The following TFAP2A variants were observed in gnomAD, a reference collection of about 807,000 sequenced individuals.
TFAP2A encodes transcription factor AP-2 alpha.
In TFAP2A, 7 loss-of-function variants were observed where a neutral mutation model predicts 41.5. That is an observed-to-expected ratio of 0.17 (90% CI 0.10 to 0.32). The LOEUF (loss-of-function observed/expected upper bound fraction) is 0.32, where lower values mean the gene tolerates loss of function less well. Among genes scored for constraint, TFAP2A ranks in the 10% least tolerant of loss-of-function variants. The pLI is 1.00. For synonymous variants in TFAP2A, 247 were observed against 242.8 expected (o/e 1.02, Z -0.16); for missense variants, 416 against 563.3 (o/e 0.74, Z 2.65).
chr6:10,404,418 G>T (rs773777299), intron 4 of TFAP2A, 90 bp downstream of exon 4: 3 of 937,604 alleles, frequency 3.2e-6, no homozygotes, highest in Non-Finnish European at 4.3e-6. Flanking sequence ...GCGGCGCGAG[G>T]CCTGTTTGCG....
intron 1 of TFAP2A, chr6:10,412,753 G>T (rs1473805851): frequency 8.1e-6 from 2 of 247,008 alleles, no homozygotes; most frequent in South Asian, 3.3e-5. Context: ...CTCGGGACTC[G>T]GCTGCCCGCT....
At chr6:10,400,062 G>A (rs1365204381) in intron 6 of TFAP2A, among the ~76,000 whole-genome samples, 1 of 152,112 alleles carries the variant, frequency 6.6e-6, no homozygotes, top group African/African-American at 2.4e-5. Flanking sequence ...CTTTGCCCTT[G>A]GAGAACATAT....
chr6:10,404,440 G>C (rs1020340387), intron 4 of TFAP2A, 68 bp downstream of exon 4: 21 of 1,168,784 alleles, frequency 1.8e-5, no homozygotes, highest in Non-Finnish European at 2.2e-5. Context: ...CGCCGCCACC[G>C]CCCCGGCGCA....
intron 3 of TFAP2A, chr6:10,406,173 CACAAT>C (rs906263728): frequency 6.5e-6 from 1 of 153,128 alleles, no homozygotes; most frequent in Non-Finnish European, 1.5e-5. Context: ...ACTCACTAAA[CACAAT>C]ACAGATTACA....
At chr6:10,414,722 C>T in intron 1 of TFAP2A, 1 of 685,870 alleles carries the variant, frequency 1.5e-6, no homozygotes, top group Non-Finnish European at 2.5e-6. Flanking sequence ...AAGTGGGACA[C>T]GAGCTTCAAA....
At chr6:10,411,826 T>A in intron 1 of TFAP2A, 1 of 1,427,480 alleles carries the variant, frequency 7.0e-7, no homozygotes, top group Non-Finnish European at 9.2e-7. Context: ...GAACCCACGG[T>A]CTCTATCCTG....
chr6:10,402,733 A>C, intron 4 of TFAP2A, 123 bp from the exon 5 acceptor site: 1 of 783,944 alleles, frequency 1.3e-6, no homozygotes, highest in South Asian at 1.4e-5. Flanking sequence ...TGGCCCCAAG[A>C]CATTTAAAGG....
intron 4 of TFAP2A, among the ~76,000 whole-genome samples, chr6:10,403,861 C>T (rs917491764): frequency 6.6e-6 from 1 of 152,196 alleles, no homozygotes; most frequent in Non-Finnish European, 1.5e-5. Context: ...CGTAAACATG[C>T]TCGCACGCAG....
At chr6:10,409,745 C>G in intron 2 of TFAP2A, 156 bp downstream of exon 2, 4 of 927,826 alleles carry the variant, frequency 4.3e-6, no homozygotes, top group Non-Finnish European at 6.5e-6. Context: ...TGTGGTTCCT[C>G]AAAACGTCCC....
intron 1 of TFAP2A, chr6:10,411,441 A>G: frequency 6.7e-7 from 1 of 1,494,434 alleles, no homozygotes; most frequent in Non-Finnish European, 9.3e-7. Context: ...GGGGTGGGGG[A>G]TGCAAATGGA....
upstream of TFAP2A, chr6:10,416,852 G>GC (rs1297259504): frequency 2.0e-5 from 3 of 152,352 alleles, no homozygotes; most frequent in African/African-American, 7.2e-5. Flanking sequence ...CTAGGGAGAA[G>GC]CCGGAGCTGG....
intron 6 of TFAP2A, among the ~76,000 whole-genome samples, chr6:10,399,483 T>G (rs1341608898): frequency 2.0e-5 from 3 of 152,152 alleles, no homozygotes; most frequent in Non-Finnish European, 4.4e-5. Context: ...CAGAGGTAGA[T>G]GAGGCCTGCA....
intron 6 of TFAP2A, among the ~76,000 whole-genome samples, chr6:10,399,920 C>CTCTCTCTCTG (rs1416387650): frequency 4.8e-4 from 57 of 117,914 alleles, no homozygotes; most frequent in African/African-American, 1.7e-3. Context: ...CTCTCTCTCT[C>CTCTCTCTCTG]TGTCTGTGTG....
upstream of TFAP2A, chr6:10,415,418 A>C (rs1464372537): frequency 2.3e-6 from 1 of 426,696 alleles, no homozygotes; most frequent in Admixed American, 4.2e-5. Flanking sequence ...TTGCTTCTAG[A>C]GCGCACTCCA....
At chr6:10,407,017 C>T (rs1438116099) in intron 2 of TFAP2A, 173 bp from the exon 3 acceptor site, 16 of 654,860 alleles carry the variant, frequency 2.4e-5, no homozygotes, top group Non-Finnish European at 3.6e-5. Flanking sequence ...GGCTTTGCAA[C>T]TCAAGAGGTT....
At chr6:10,415,173 G>A, upstream of TFAP2A, 1 of 1,506,466 alleles carries the variant, frequency 6.6e-7, no homozygotes, top group Non-Finnish European at 8.9e-7. Flanking sequence ...GGAAGAGGAG[G>A]GCGAGGAGGA....
chr6:10,412,397 A>T, intron 1 of TFAP2A: 1 of 383,596 alleles, frequency 2.6e-6, no homozygotes, highest in Non-Finnish European at 3.5e-6. Flanking sequence ...AGTGTGGGCG[A>T]GGGAGAGGAG....
At chr6:10,413,689 G>A (rs1745380660) in intron 1 of TFAP2A, among the ~76,000 whole-genome samples, 1 of 152,086 alleles carries the variant, frequency 6.6e-6, no homozygotes. Context: ...CTACCGGGGT[G>A]GGGGGCCTGA....
Position 10,397,491 on chromosome 6 carries a change from G to A in TFAP2A, c.*926C>T, listed in dbSNP as rs1761811530. ...ATTTTATTTTACTTTTTAAAAATTT[G>A]TCCAGCTGTTTGTCACCTTTAACAT... On this transcript the variant is annotated 3_prime_UTR_variant, in exon 7 of 7. Coordinates refer to ENST00000379613, the MANE Select transcript of TFAP2A (RefSeq NM_001372066.1). 6.6e-6 allele frequency: 1 copy of A among 151,478 alleles called. No individual in the cohort carries two copies. The highest frequency in any genetic ancestry group is 1.5e-5 in the Non-Finnish European group (1 of 67,924). The allele number at this position is 151,478 out of a possible 1,614,324, so 9.4% of individuals were successfully genotyped here.
Sources: allele counts gnomAD v4.1 joint callset (sites outside exome capture counted in the v4.1 genomes callset), GRCh38; gene constraint gnomAD v4.1.1; transcripts MANE v1.5; gene names NCBI Gene and HGNC (gene_info 2026-07-23, HGNC 2026-07-21).